The following GRID2 variants were observed in gnomAD, a reference collection of about 807,000 sequenced individuals.
The protein encoded by GRID2 is glutamate ionotropic receptor delta type subunit 2, also known as glutamate receptor ionotropic, delta-2.
A neutral mutation model predicts 114.8 loss-of-function variants in GRID2; 33 were observed. The ratio of observed to expected loss-of-function variants is 0.29; its 90% CI spans 0.22 to 0.38. GRID2 has a LOEUF of 0.38. GRID2 is among the 10% of genes least tolerant of loss of function. GRID2 has a pLI of 1.00. For missense variants in GRID2, 1,184 were observed against 1,257.7 expected (o/e 0.94, Z 0.89); for synonymous variants, 505 against 449.9 (o/e 1.12, Z -1.55).
chr4:92,938,056 A>G (rs1750797522), intron 2 of GRID2, among the ~76,000 whole-genome samples: 1 of 146,840 alleles, frequency 6.8e-6, no homozygotes, highest in African/African-American at 2.4e-5. Context: ...AAGATGAAAT[A>G]ATGTTAGATT....
At chr4:93,251,567 CAT>C (rs1748933234) in intron 8 of GRID2, among the ~76,000 whole-genome samples, 1 of 152,066 alleles carries the variant, frequency 6.6e-6, no homozygotes, top group Non-Finnish European at 1.5e-5. Flanking sequence ...CATAGGTAAA[CAT>C]GTCATGAGGG....
At chr4:93,042,126 A>T (rs1047136192) in intron 2 of GRID2, among the ~76,000 whole-genome samples, 2 of 151,856 alleles carry the variant, frequency 1.3e-5, no homozygotes, top group African/African-American at 4.8e-5. Flanking sequence ...GATGGTCTCA[A>T]TCTTCTGACC....
chr4:92,748,642 T>TATTATTATC (rs1737277295), intron 2 of GRID2, among the ~76,000 whole-genome samples: 1 of 134,284 alleles, frequency 7.4e-6, no homozygotes, highest in African/African-American at 2.7e-5. Context: ...GTATTATTAT[T>TATTATTATC]ATTATTATTA....
intron 2 of GRID2, among the ~76,000 whole-genome samples, chr4:92,929,954 A>G (rs553472696): frequency 3.0e-4 from 46 of 151,510 alleles, no homozygotes; most frequent in Admixed American, 1.1e-3. Flanking sequence ...TTAGGTATGT[A>G]AAACACTTTT....
rs193121731 is a variant in GRID2 at position 93,518,709 on chromosome 4, A to G, written c.2193+3298A>G. On this transcript the variant is annotated intron_variant, in intron 13 of 15. Transcript: ENST00000282020. ...GGTAATCTGCTTTATTAAATCAGGT[A>G]GCCAGGGAAGGCTTCACTAAGAAAA... Among the ~76,000 whole-genome samples, 62 of 152,240 alleles carry G rather than the reference A, an allele frequency of 4.1e-4. No homozygotes were observed. The East Asian group carries it at 0.011, about 28-fold the overall frequency.
chr4:92,967,685 A>C (rs1578630130), intron 2 of GRID2, among the ~76,000 whole-genome samples: 1 of 151,966 alleles, frequency 6.6e-6, no homozygotes, highest in Non-Finnish European at 1.5e-5. Flanking sequence ...AATGAAAATA[A>C]AGATGAGCTG....
At chr4:92,933,629 T>G (rs535674073) in intron 2 of GRID2, among the ~76,000 whole-genome samples, 2 of 151,640 alleles carry the variant, frequency 1.3e-5, no homozygotes, top group South Asian at 2.1e-4. Flanking sequence ...ATTTTCTGTT[T>G]ATCACAAAGT....
chr4:92,771,976 C>A (rs184966586), intron 2 of GRID2, among the ~76,000 whole-genome samples: 1 of 152,236 alleles, frequency 6.6e-6, no homozygotes, highest in East Asian at 1.9e-4. Context: ...AGACTTAATT[C>A]AATCAGCCAT....
intron 1 of GRID2, among the ~76,000 whole-genome samples, chr4:92,572,548 A>C (rs867964538): frequency 6.6e-6 from 1 of 152,168 alleles, no homozygotes; most frequent in Non-Finnish European, 1.5e-5. Flanking sequence ...GGCCAGCATC[A>C]TCCTGATACC....
chr4:93,427,209 A>T (rs2149374729), intron 10 of GRID2, among the ~76,000 whole-genome samples: 1 of 152,118 alleles, frequency 6.6e-6, no homozygotes, highest in African/African-American at 2.4e-5. Flanking sequence ...ACCATAAAAT[A>T]ATTTAGCTTT....
rs189038888 is a variant in GRID2 at position 93,214,402 on chromosome 4, C to T, written c.790-2336C>T. ...AGTGTTTATATAACTTTGCATCTGC[C>T]ACTCTCGAAATGCCCCTTTTGAAAT... On this transcript the variant is annotated intron_variant, in intron 5 of 15. Transcript: ENST00000282020. Among the ~76,000 whole-genome samples the T allele has an allele frequency of 1.4e-3, 207 of 152,008 alleles. 1 individual carries two copies. The highest frequency in any genetic ancestry group is 3.4e-3 in the Middle Eastern group (1 of 294).
rs145018327 is a variant in GRID2, at chr4:93,465,662, C to T, written c.1858+9688C>T. On this transcript the variant is annotated intron_variant, in intron 11 of 15. Transcript: ENST00000282020. ...TTTTCCTCACTGTTTCCAAAGGCCACGGCAAGAGATAGAATCAGCCATATT... is the reference window on the plus strand; with the variant it reads ...TTTTCCTCACTGTTTCCAAAGGCCATGGCAAGAGATAGAATCAGCCATATT... Among the ~76,000 whole-genome samples, 443 of 152,204 alleles carry T rather than the reference C, an allele frequency of 2.9e-3. 3 individuals are homozygous for T. Among genetic ancestry groups the T allele is most frequent in the African/African-American group, 0.01 (421 of 41,534 alleles).
intron 8 of GRID2, among the ~76,000 whole-genome samples, chr4:93,324,051 C>A (rs1276201800): frequency 1.3e-5 from 2 of 152,100 alleles, no homozygotes; most frequent in African/African-American, 4.8e-5. Flanking sequence ...CTTTCTCCTG[C>A]CTAATTGCCC....
chr4:93,250,421 C>T (rs1476892240), intron 8 of GRID2, among the ~76,000 whole-genome samples: 1 of 151,762 alleles, frequency 6.6e-6, no homozygotes, highest in Non-Finnish European at 1.5e-5. Context: ...GTGCAGCAAA[C>T]CACCGTGGCA....
chr4:93,601,068 C>A (rs1343978063), intron 13 of GRID2, among the ~76,000 whole-genome samples: 1 of 152,162 alleles, frequency 6.6e-6, no homozygotes. Flanking sequence ...TGTATCTTAA[C>A]TGAGGCAGTA....
At chr4:93,384,098 C>T (rs1320817021) in intron 8 of GRID2, among the ~76,000 whole-genome samples, 1 of 152,140 alleles carries the variant, frequency 6.6e-6, no homozygotes, top group Non-Finnish European at 1.5e-5. Flanking sequence ...TCGTAGACGG[C>T]ACATCTTGCA....
At chr4:93,148,734 T>G (rs551490165) in intron 4 of GRID2, among the ~76,000 whole-genome samples, 48 of 152,200 alleles carry the variant, frequency 3.2e-4, no homozygotes, top group African/African-American at 8.7e-4. Context: ...TCCATTACAG[T>G]GTTGGAATAG....
intron 2 of GRID2, among the ~76,000 whole-genome samples, chr4:92,645,435 T>G (rs141250531): frequency 6.6e-6 from 1 of 151,948 alleles, no homozygotes; most frequent in Admixed American, 6.6e-5. Flanking sequence ...TTGGTTTCAT[T>G]TTGATACAGT....
rs748260530 is a variant in GRID2 at position 93,178,787 on chromosome 4, A to ATC, written c.736-28617_736-28616insTC. On this transcript the variant is annotated intron_variant, in intron 4 of 15. Transcript: ENST00000282020. ...CATTTTAAGAAATGGAGTTTTAAAA[A>ATC]ATCTTTATGTTCTTAACTGGTAAAC... 4.9e-3 allele frequency among the ~76,000 whole-genome samples: 462 copies of ATC among 93,374 alleles called. 3 individuals are homozygous for ATC. Among genetic ancestry groups the ATC allele is most frequent in the Middle Eastern group, 0.041 (5 of 122 alleles). The allele number at this position is 93,374 out of a possible 152,430, so 61.3% of individuals were successfully genotyped here.
Sources: gnomAD v4.1 joint callset for allele counts (sites outside exome capture counted in the v4.1 genomes callset) on GRCh38, gnomAD v4.1.1 for gene constraint, MANE v1.5 for transcripts, NCBI Gene and HGNC (gene_info 2026-07-23, HGNC 2026-07-21) for gene names.